AGMO: variants seen among roughly 807,000 people sequenced by gnomAD.
AGMO encodes the protein alkylglycerol monooxygenase, also known as glyceryl-ether monooxygenase.
AGMO carries 75 observed loss-of-function variants against 60.2 expected under a neutral mutation model. The observed-to-expected ratio is 1.25, with a 90% CI of 1.03 to 1.51. The LOEUF (loss-of-function observed/expected upper bound fraction) is 1.51, where lower values mean the gene tolerates loss of function less well. AGMO is among the 40% of genes most tolerant of loss of function. AGMO has a pLI of 0.00. For synonymous variants in AGMO, 261 were observed against 177.1 expected (o/e 1.47, Z -3.76); for missense variants, 763 against 525.5 (o/e 1.45, Z -4.42).
Position 15,524,790 on chromosome 7 carries a change from A to T in AGMO, c.409+19982T>A, listed in dbSNP as rs1039174447. ...GGCAGGAGAATCACTTGAATGCAGG[A>T]GGCCAACGTTGCAGTGAGCTGAGAT... On this transcript the variant is annotated intron_variant, in intron 3 of 12. Transcript: ENST00000342526. Among the ~76,000 whole-genome samples, 6 of 151,180 alleles carry T rather than the reference A, an allele frequency of 4.0e-5. No individual in the cohort carries two copies. The Admixed American group carries it at 4.0e-4, about 10-fold the overall frequency.
At chr7:15,435,380 C>T (rs1195665880) in intron 3 of AGMO, among the ~76,000 whole-genome samples, 2 of 151,854 alleles carry the variant, frequency 1.3e-5, no homozygotes, top group South Asian at 2.1e-4. Context: ...TCTGGCAGCA[C>T]CTGACATCAT....
intron 5 of AGMO, among the ~76,000 whole-genome samples, chr7:15,411,600 T>TA (rs912391767): frequency 4.7e-4 from 71 of 152,002 alleles, no homozygotes; most frequent in African/African-American, 1.5e-3. Context: ...TATGAAATAT[T>TA]AAAAAAAATC....
intron 12 of AGMO, chr7:15,306,491 A>G (rs1249421736): frequency 2.1e-6 from 1 of 469,888 alleles, no homozygotes; most frequent in African/African-American, 2.0e-5. Context: ...CAGCTGTGAG[A>G]CAGTCACTCA....
At chr7:15,307,394 G>C (rs1780644643) in intron 12 of AGMO, among the ~76,000 whole-genome samples, 1 of 151,960 alleles carries the variant, frequency 6.6e-6, no homozygotes. Context: ...TAATCTAAAA[G>C]TGACAGTGCC....
rs372846550 is a variant in AGMO, at chr7:15,452,170, T to C, written c.410-21062A>G. ...ATATAAGTGTGTATCTTCATGACAT[T>C]GGATTAGGCAATGGTCTCTTGGATA... On this transcript the variant is annotated intron_variant, in intron 3 of 12. Transcript: ENST00000342526. Among the ~76,000 whole-genome samples, 7 of 152,146 alleles carry C rather than the reference T, an allele frequency of 4.6e-5. No individual in the cohort carries two copies. The East Asian group carries it at 5.8e-4, about 13-fold the overall frequency.
chr7:15,460,322 C>T (rs1261978610), intron 3 of AGMO, among the ~76,000 whole-genome samples: 1 of 151,942 alleles, frequency 6.6e-6, no homozygotes, highest in Non-Finnish European at 1.5e-5. Context: ...CTCCTGACCT[C>T]AAGTCATCCA....
At chr7:15,325,869 T>C (rs1781323839) in intron 12 of AGMO, among the ~76,000 whole-genome samples, 1 of 152,258 alleles carries the variant, frequency 6.6e-6, no homozygotes, top group African/African-American at 2.4e-5. Context: ...TTGACTTGGT[T>C]GTTCGCAATT....
At chr7:15,212,244 G>A (rs913785466) in intron 12 of AGMO, among the ~76,000 whole-genome samples, 2 of 119,096 alleles carry the variant, frequency 1.7e-5, no homozygotes, top group African/African-American at 6.3e-5. Context: ...GTTAGGTGTG[G>A]AGTACACACA....
In AGMO at chr7:15,456,477, C is replaced by T. The variant is rs533398588; in HGVS notation, c.410-25369G>A. Among the ~76,000 whole-genome samples, 3 of 152,182 alleles carry T rather than the reference C, an allele frequency of 2.0e-5. No homozygotes were observed. In the East Asian group the frequency reaches 5.8e-4, roughly 29 times the overall value. ...CAGGGATTCTTGAGGCCAGTGAGGA[C>T]AGATTTATTAAGTTTTCCTATGTTC... On this transcript the variant is annotated intron_variant, in intron 3 of 12. Transcript: ENST00000342526.
At chr7:15,321,574 C>A (rs7783418) in intron 12 of AGMO, among the ~76,000 whole-genome samples, 3 of 151,908 alleles carry the variant, frequency 2.0e-5, no homozygotes, top group Non-Finnish European at 2.9e-5. Context: ...CATCTCTACA[C>A]TTAGCATTTG....
intron 3 of AGMO, among the ~76,000 whole-genome samples, chr7:15,444,386 C>T (rs1231799977): frequency 1.3e-5 from 2 of 152,092 alleles, no homozygotes; most frequent in Non-Finnish European, 2.9e-5. Context: ...TTTTTATCTC[C>T]AGCATGAGAA....
chr7:15,554,959 G>C (rs1215662508), intron 2 of AGMO, among the ~76,000 whole-genome samples: 1 of 151,810 alleles, frequency 6.6e-6, no homozygotes, highest in Non-Finnish European at 1.5e-5. Flanking sequence ...CGACTCTCAC[G>C]TTGTTGTCAT....
intron 10 of AGMO, among the ~76,000 whole-genome samples, chr7:15,383,348 A>T (rs1783769988): frequency 6.6e-6 from 1 of 152,060 alleles, no homozygotes; most frequent in Non-Finnish European, 1.5e-5. Context: ...CTAAAGAAGC[A>T]ATAGTCCCAA....
chr7:15,560,128 C>A lies in AGMO; in HGVS notation c.257+13G>T, dbSNP rs112920634. Reference sequence around the variant, plus strand: ...CAGTTTTTATGCTCAGCGTTGTTGACCATCTAACTCACCTTGGAAGTCGAG... The same window carrying A: ...CAGTTTTTATGCTCAGCGTTGTTGAACATCTAACTCACCTTGGAAGTCGAG... On this transcript the variant is annotated intron_variant, in intron 2 of 12. Coordinates refer to ENST00000342526, the MANE Select transcript of AGMO (RefSeq NM_001004320.2). 2.5e-6 allele frequency: 4 copies of A among 1,598,176 alleles called. No homozygotes were observed. The highest frequency in any genetic ancestry group is 3.4e-6 in the Non-Finnish European group (4 of 1,169,504).
At chr7:15,173,393 T>A in the AGMO span, among the ~76,000 whole-genome samples, 1 of 152,142 alleles carries the variant, frequency 6.6e-6, no homozygotes, top group African/African-American at 2.4e-5. Flanking sequence ...TGGACTAAAT[T>A]GTTATTGCTT....
intron 3 of AGMO, among the ~76,000 whole-genome samples, chr7:15,504,792 A>G (rs898771824): frequency 3.3e-5 from 5 of 151,084 alleles, no homozygotes; most frequent in African/African-American, 9.7e-5. Context: ...AAAAAAAAAA[A>G]GGGTTAAGGG....
chr7:15,266,493 G>T (rs1051220071), intron 12 of AGMO, among the ~76,000 whole-genome samples: 1 of 151,902 alleles, frequency 6.6e-6, no homozygotes, highest in Non-Finnish European at 1.5e-5. Context: ...AAATGAAAGT[G>T]TTTCCCCCTG....
intron 3 of AGMO, among the ~76,000 whole-genome samples, chr7:15,523,028 C>T (rs1784042882): frequency 6.6e-6 from 1 of 152,134 alleles, no homozygotes; most frequent in African/African-American, 2.4e-5. Flanking sequence ...AAAAAGTGGG[C>T]AAAGGATATG....
At chr7:15,433,051 T>C (rs1781299029) in intron 3 of AGMO, among the ~76,000 whole-genome samples, 1 of 152,128 alleles carries the variant, frequency 6.6e-6, no homozygotes, top group Non-Finnish European at 1.5e-5. Flanking sequence ...CTTATGATTT[T>C]ATAACTTATG....
Sources: gnomAD v4.1 joint callset for allele counts (sites outside exome capture counted in the v4.1 genomes callset) on GRCh38, gnomAD v4.1.1 for gene constraint, MANE v1.5 for transcripts, NCBI Gene and HGNC (gene_info 2026-07-23, HGNC 2026-07-21) for gene names.